CMSS1: variants seen among roughly 807,000 people sequenced by gnomAD.
CMSS1 encodes protein CMSS1.
Under a neutral mutation model 43.5 loss-of-function variants are expected in CMSS1, and 33 were observed. That is an observed-to-expected ratio of 0.76 (90% CI 0.57 to 1.01). The LOEUF is 1.01. Among genes scored for constraint, CMSS1 ranks in the 50% least tolerant of loss-of-function variants. The pLI, the probability that CMSS1 is intolerant of heterozygous loss-of-function variation, is 0.00. For synonymous variants in CMSS1, 115 were observed against 117.2 expected (o/e 0.98, Z 0.12); for missense variants, 313 against 326.4 (o/e 0.96, Z 0.32).
chr3:100,163,535 A>G (rs989123271), intron 4 of CMSS1, among the ~76,000 whole-genome samples: 11 of 152,232 alleles, frequency 7.2e-5, no homozygotes, highest in Admixed American at 7.2e-4. Flanking sequence ...TTTTTTAAAA[A>G]TATTTATTTA....
At chr3:100,022,120 A>G (rs1317803820) in intron 1 of CMSS1, among the ~76,000 whole-genome samples, 1 of 152,212 alleles carries the variant, frequency 6.6e-6, no homozygotes, top group Non-Finnish European at 1.5e-5. Flanking sequence ...TTAAATAAAA[A>G]TAGAGGGAAG....
chr3:99,826,451 G>A (rs1942536858), intron 1 of CMSS1, among the ~76,000 whole-genome samples: 1 of 152,156 alleles, frequency 6.6e-6, no homozygotes, highest in African/African-American at 2.4e-5. Flanking sequence ...GAATGAGTAT[G>A]GCTGTGTTCC....
chr3:100,074,674 G>A (rs1202656960), intron 1 of CMSS1, among the ~76,000 whole-genome samples: 1 of 25,110 alleles, frequency 4.0e-5, no homozygotes, highest in South Asian at 1.3e-3. Flanking sequence ...TGCAACATTT[G>A]ATTTTTTTTT....
At chr3:100,071,181 G>C (rs1255577286) in intron 1 of CMSS1, among the ~76,000 whole-genome samples, 1 of 131,480 alleles carries the variant, frequency 7.6e-6, no homozygotes, top group Non-Finnish European at 1.5e-5. Context: ...ACATATCACT[G>C]TCAATTTATG....
intron 1 of CMSS1, among the ~76,000 whole-genome samples, chr3:100,122,818 C>T (rs953245904): frequency 1.3e-5 from 2 of 152,166 alleles, no homozygotes; most frequent in African/African-American, 4.8e-5. Context: ...AAAATGAATA[C>T]ATGAAAAACC....
At chr3:99,982,168 G>A (rs1709143218) in intron 1 of CMSS1, among the ~76,000 whole-genome samples, 1 of 151,968 alleles carries the variant, frequency 6.6e-6, no homozygotes, top group African/African-American at 2.4e-5. Context: ...TTCGGTATAT[G>A]TATTTTAGTA....
At chr3:100,042,403 G>A (rs1017808283) in intron 1 of CMSS1, among the ~76,000 whole-genome samples, 3 of 152,094 alleles carry the variant, frequency 2.0e-5, no homozygotes, top group Non-Finnish European at 4.4e-5. Flanking sequence ...CTGATGTTTC[G>A]TCAGCTAGCC....
chr3:100,126,669 A>G (rs2107496215), intron 1 of CMSS1, among the ~76,000 whole-genome samples: 1 of 152,252 alleles, frequency 6.6e-6, no homozygotes, highest in Middle Eastern at 3.4e-3. Context: ...AAGATGATCT[A>G]TAGTTAACTA....
intron 1 of CMSS1, chr3:100,025,507 A>G (rs1344530761): frequency 1.3e-5 from 2 of 152,202 alleles, no homozygotes; most frequent in Non-Finnish European, 2.9e-5. Context: ...AATCAAAACC[A>G]TTAGGATGAA....
At chr3:100,097,336 T>C (rs1312830565) in intron 1 of CMSS1, among the ~76,000 whole-genome samples, 1 of 152,186 alleles carries the variant, frequency 6.6e-6, no homozygotes, top group African/African-American at 2.4e-5. Context: ...TTGTAAGTAA[T>C]CTAGACATTT....
In CMSS1 at chr3:100,080,340, A is replaced by C. The variant is rs899757529; in HGVS notation, c.65-66633A>C. Among the ~76,000 whole-genome samples, 4 of 151,942 alleles carry C rather than the reference A, an allele frequency of 2.6e-5. 1 individual carries two copies. Among genetic ancestry groups the C allele is most frequent in the Non-Finnish European group, 5.9e-5 (4 of 67,986 alleles). ...AAGAGGGGGAAAAAAAAATTTAATA[A>C]CTCTAGGGTTCTGACTCTCCCTGAA... On this transcript the variant is annotated intron_variant, in intron 1 of 9. Transcript: ENST00000421999.
intron 1 of CMSS1, among the ~76,000 whole-genome samples, chr3:99,983,705 A>T (rs1307961422): frequency 6.7e-6 from 1 of 149,730 alleles, no homozygotes; most frequent in Non-Finnish European, 1.5e-5. Flanking sequence ...AAAAAAAAAG[A>T]AATGAGAAGT....
At chr3:99,989,682 ATATTT>A (rs916908482) in intron 1 of CMSS1, among the ~76,000 whole-genome samples, 3 of 23,370 alleles carry the variant, frequency 1.3e-4, no homozygotes, top group African/African-American at 1.0e-3. Context: ...ATATATATAT[ATATTT>A]TTTTTCTTTT....
chr3:100,062,137 A>G (rs1413603411), intron 1 of CMSS1, among the ~76,000 whole-genome samples: 5 of 77,606 alleles, frequency 6.4e-5, no homozygotes, highest in Admixed American at 4.1e-4. Flanking sequence ...TTTGAGACGG[A>G]GTGTTGCTCT....
At chr3:100,122,504 G>A (rs1372576139) in intron 1 of CMSS1, among the ~76,000 whole-genome samples, 8 of 152,214 alleles carry the variant, frequency 5.3e-5, no homozygotes, top group Non-Finnish European at 8.8e-5. Context: ...CCTTAGGCCA[G>A]CTTCACAATA....
intron 1 of CMSS1, among the ~76,000 whole-genome samples, chr3:100,047,959 G>A (rs1032599761): frequency 2.0e-5 from 3 of 152,138 alleles, no homozygotes; most frequent in African/African-American, 4.8e-5. Flanking sequence ...ATGAAAGAAC[G>A]AATTGTCCCT....
At chr3:100,060,404 C>A (rs759137731) in intron 1 of CMSS1, among the ~76,000 whole-genome samples, 3 of 152,058 alleles carry the variant, frequency 2.0e-5, no homozygotes, top group Non-Finnish European at 4.4e-5. Flanking sequence ...AAGGCAGCTC[C>A]TTGGCCTAGC....
rs576743721 is a variant in CMSS1 at position 99,881,535 on chromosome 3, C to G, written c.64+63492C>G. On this transcript the variant is annotated intron_variant, in intron 1 of 9. Transcript: ENST00000421999. ...TATAATTTGTAGCCCATCTCTCTCT[C>G]TCTTTTTTTTTTTTTGAGACACAGT... Among the ~76,000 whole-genome samples the G allele has an allele frequency of 9.1e-4, 136 of 149,630 alleles. 1 individual carries two copies. Among genetic ancestry groups the G allele is most frequent in the Non-Finnish European group, 1.5e-3 (103 of 67,140 alleles).
At chr3:99,966,506 A>G (rs1168216495) in intron 1 of CMSS1, among the ~76,000 whole-genome samples, 1 of 152,198 alleles carries the variant, frequency 6.6e-6, no homozygotes, top group African/African-American at 2.4e-5. Flanking sequence ...AGCCCCGTCA[A>G]AATAGTACGG....
Sources: allele counts gnomAD v4.1 joint callset (sites outside exome capture counted in the v4.1 genomes callset), GRCh38; gene constraint gnomAD v4.1.1; transcripts MANE v1.5; gene names NCBI Gene and HGNC (gene_info 2026-07-23, HGNC 2026-07-21).